RASGRF2: variants seen among roughly 807,000 people sequenced by gnomAD.
The protein encoded by RASGRF2 is Ras protein specific guanine nucleotide releasing factor 2, also known as ras-specific guanine nucleotide-releasing factor 2.
RASGRF2 carries 76 observed loss-of-function variants against 151.0 expected under a neutral mutation model. The observed-to-expected ratio is 0.50, with a 90% CI of 0.42 to 0.61. The LOEUF is 0.61. Ranked by LOEUF, RASGRF2 falls within the 20% of genes least tolerant of loss-of-function variation. RASGRF2 has a pLI of 0.00. For synonymous variants in RASGRF2, 504 were observed against 566.5 expected, an observed-to-expected ratio of 0.89 and a Z score of 1.57; for missense variants, 1,148 against 1,564.6, an observed-to-expected ratio of 0.73 and a Z score of 4.49.
intron 2 of RASGRF2, among the ~76,000 whole-genome samples, chr5:81,058,443 C>T (rs1308776357): frequency 6.6e-6 from 1 of 152,120 alleles, no homozygotes; most frequent in South Asian, 2.1e-4. Context: ...TTGATGCAAT[C>T]CTGGAGCAGA....
chr5:80,969,595 C>A (rs550720277), intron 1 of RASGRF2, among the ~76,000 whole-genome samples: 2 of 148,638 alleles, frequency 1.3e-5, no homozygotes, highest in Non-Finnish European at 3.0e-5. Flanking sequence ...ACTACAGGCA[C>A]CCGCCACCAC....
intron 1 of RASGRF2, among the ~76,000 whole-genome samples, chr5:81,012,788 C>G (rs60041168): frequency 6.6e-6 from 1 of 151,926 alleles, no homozygotes; most frequent in African/African-American, 2.4e-5. Flanking sequence ...AGAGGAGGCA[C>G]AAGGAAAAAG....
intron 1 of RASGRF2, among the ~76,000 whole-genome samples, chr5:80,978,577 A>G (rs909450175): frequency 6.6e-5 from 10 of 152,224 alleles, no homozygotes; most frequent in Non-Finnish European, 1.3e-4. Context: ...ACCTGAGGTC[A>G]GGTGTTCGTG....
chr5:81,041,367 T>C (rs1398524939), intron 1 of RASGRF2, among the ~76,000 whole-genome samples: 4 of 152,132 alleles, frequency 2.6e-5, no homozygotes, highest in Admixed American at 6.5e-5. Context: ...GTACTGTTAT[T>C]CGTGAATATT....
At chr5:80,996,331 G>T (rs1270768971) in intron 1 of RASGRF2, among the ~76,000 whole-genome samples, 1 of 151,808 alleles carries the variant, frequency 6.6e-6, no homozygotes, top group Non-Finnish European at 1.5e-5. Context: ...CTGTGTGTGT[G>T]ATAATTTATA....
intron 22 of RASGRF2, among the ~76,000 whole-genome samples, 169 bp downstream of exon 22, chr5:81,208,607 A>G (rs1755565354): frequency 7.5e-6 from 1 of 133,412 alleles, no homozygotes; most frequent in South Asian, 2.4e-4. Context: ...GCTGGAGTGC[A>G]ATGGCGTGAT....
intron 16 of RASGRF2, among the ~76,000 whole-genome samples, chr5:81,125,325 C>A (rs576817003): frequency 6.6e-6 from 1 of 152,172 alleles, no homozygotes; most frequent in African/African-American, 2.4e-5. Context: ...GCTCTGAGAG[C>A]AACTAGGAAG....
intron 1 of RASGRF2, among the ~76,000 whole-genome samples, chr5:81,030,691 A>G (rs895109909): frequency 3.3e-5 from 5 of 152,264 alleles, no homozygotes; most frequent in African/African-American, 9.6e-5. Flanking sequence ...AGCCACTGCA[A>G]AAACAGGCCA....
chr5:81,216,630 G>A (rs1164862602), intron 24 of RASGRF2, among the ~76,000 whole-genome samples: 2 of 152,144 alleles, frequency 1.3e-5, no homozygotes, highest in East Asian at 1.9e-4. Flanking sequence ...TCTTATGTAA[G>A]CCTCACAAGA....
rs184348232 is a variant in RASGRF2 at position 81,058,803 on chromosome 5, G to T, written c.396-9229G>T. 5.2e-3 allele frequency among the ~76,000 whole-genome samples: 757 copies of T among 145,622 alleles called. 6 individuals carry two copies. The highest frequency in any genetic ancestry group is 0.018 in the African/African-American group (719 of 39,414). On this transcript the variant is annotated intron_variant, in intron 2 of 26. Transcript: ENST00000265080. ...AAAAAAAAAAAAAAAAAAAAAAAGA[G>T]AGTGTGTAAAATAAATCATATTAGA...
At chr5:81,123,248 A>C (rs935861160) in intron 15 of RASGRF2, among the ~76,000 whole-genome samples, 16 of 152,220 alleles carry the variant, frequency 1.1e-4, no homozygotes, top group African/African-American at 3.9e-4. Context: ...AGGGGGCAAC[A>C]CAGGCAAAGA....
At chr5:81,211,260 C>T (rs1755625601) in intron 22 of RASGRF2, among the ~76,000 whole-genome samples, 2 of 152,018 alleles carry the variant, frequency 1.3e-5, no homozygotes, top group South Asian at 4.2e-4. Flanking sequence ...CGTGAATAGA[C>T]TCAACTTTGT....
intron 1 of RASGRF2, among the ~76,000 whole-genome samples, chr5:80,983,641 A>G (rs1230321998): frequency 6.6e-6 from 1 of 152,248 alleles, no homozygotes; most frequent in African/African-American, 2.4e-5. Context: ...TCTGCTTTAC[A>G]TCTGCACTGT....
At chr5:81,219,656 A>ATACC in intron 25 of RASGRF2, 54 bp from the exon 26 acceptor site, 1 of 1,457,870 alleles carries the variant, frequency 6.9e-7, no homozygotes, top group Non-Finnish European at 9.6e-7. Context: ...AATGCAGGAA[A>ATACC]TACCTTTCTT....
rs1561265129 is a variant in RASGRF2 at position 81,217,571 on chromosome 5, C to CTT, written c.3552+99_3552+100dup. Reference sequence around the variant, plus strand: ...GTCAATGTCTGCTTTTTTTTTTTCTCTTCTTTTTTTTTTTTTTTTTTTTTT... The same window carrying CTT: ...GTCAATGTCTGCTTTTTTTTTTTCTCTTTTCTTTTTTTTTTTTTTTTTTTTTT... On this transcript the variant is annotated intron_variant, in intron 25 of 26. Coordinates refer to ENST00000265080, the MANE Select transcript of RASGRF2 (RefSeq NM_006909.3). The CTT allele has an allele frequency of 3.9e-5, 14 of 360,988 alleles. No individual in the cohort carries two copies. In the South Asian group the frequency reaches 5.1e-4, roughly 13 times the overall value. The allele number at this position is 360,988 out of a possible 1,614,324, so 22.4% of individuals were successfully genotyped here. A position where few individuals can be genotyped will look rare whatever the true frequency, so the allele number is the denominator to read the frequency against.
rs529721742 is a variant in RASGRF2, at chr5:81,191,896, G to A, written c.2794-9434G>A. Among the ~76,000 whole-genome samples, 8 of 152,156 alleles carry A rather than the reference G, an allele frequency of 5.3e-5. No individual in the cohort carries two copies. In the South Asian group the frequency reaches 1.0e-3, roughly 20 times the overall value. The stretch of plus-strand genomic sequence containing the variant: ...ATCAAATAAATAGTTTTCTGGATGG[G>A]TTTTTTCCTTCTCACTGAATTAGTG... On this transcript the variant is annotated intron_variant, in intron 18 of 26. Transcript: ENST00000265080.
chr5:81,178,755 T>C (rs1754839867), intron 17 of RASGRF2, among the ~76,000 whole-genome samples: 1 of 152,054 alleles, frequency 6.6e-6, no homozygotes, highest in East Asian at 1.9e-4. Context: ...TTTTTTTTTT[T>C]TGAGACGGAG....
At chr5:81,201,279 G>C (rs1377754824) in intron 18 of RASGRF2, 51 bp from the exon 19 acceptor site, 4 of 1,580,660 alleles carry the variant, frequency 2.5e-6, no homozygotes, top group Non-Finnish European at 2.6e-6. Context: ...ATGTGTCATA[G>C]AGCTAACCCT....
At position 81,180,705 on chromosome 5, in the gene RASGRF2, G is replaced by A. The variant is rs118143278; in HGVS notation, c.2793+424G>A. Among the ~76,000 whole-genome samples, 1,302 of 132,256 alleles carry A rather than the reference G, an allele frequency of 9.8e-3. 16 individuals are homozygous for A. Among genetic ancestry groups the A allele is most frequent in the East Asian group, 0.057 (258 of 4,496 alleles). 86.8% of individuals were successfully genotyped at this position (132,256 alleles called of 152,430 possible). On this transcript the variant is annotated intron_variant, in intron 18 of 26. Transcript: ENST00000265080. ...CCACCCAGCTAGACACAAACCTCAC[G>A]GTCCCCCCTGGAGGTAAATAACACT...
Sources: gnomAD v4.1 joint callset for allele counts (sites outside exome capture counted in the v4.1 genomes callset) on GRCh38, gnomAD v4.1.1 for gene constraint, MANE v1.5 for transcripts, NCBI Gene and HGNC (gene_info 2026-07-23, HGNC 2026-07-21) for gene names.